Variants in KIF21A observed in about 807,000 individuals in gnomAD.
KIF21A encodes kinesin-like protein KIF21A.
KIF21A carries 114 observed loss-of-function variants against 202.9 expected under a neutral mutation model. The ratio of observed to expected loss-of-function variants is 0.56; its 90% CI spans 0.48 to 0.66. KIF21A has a LOEUF of 0.66. Among genes scored for constraint, KIF21A ranks in the 30% least tolerant of loss-of-function variants. KIF21A has a pLI of 0.00. For synonymous variants in KIF21A, 667 were observed against 670.8 expected, an observed-to-expected ratio of 0.99 and a Z score of 0.09; for missense variants, 1,677 against 1,994.9, an observed-to-expected ratio of 0.84 and a Z score of 3.04.
chr12:39,428,157 G>T lies in KIF21A; in HGVS notation c.44+14770C>A, dbSNP rs569480479. 2.6e-5 allele frequency among the ~76,000 whole-genome samples: 4 copies of T among 152,316 alleles called. No homozygotes were observed. In the East Asian group the frequency reaches 5.8e-4, roughly 22 times the overall value. ...GGATGATTCTTCCTTGTCAAAGACAGCAAATAGGGCTTTCTTAGTCATCCT... is the reference window on the plus strand; with the variant it reads ...GGATGATTCTTCCTTGTCAAAGACATCAAATAGGGCTTTCTTAGTCATCCT... On this transcript the variant is annotated intron_variant, in intron 1 of 37. Transcript: ENST00000361418.
In KIF21A at chr12:39,332,877, A is replaced by G; in HGVS notation, c.2702+16T>C. 2 of 1,612,748 alleles carry G rather than the reference A, an allele frequency of 1.2e-6. No individual in the cohort carries two copies. The highest frequency in any genetic ancestry group is 1.7e-6 in the Non-Finnish European group (2 of 1,179,336). ...GGCCAAGAAGATTACATCAGCAGGA[A>G]CAGAATTATGTAGACCTGTTTCCAT... On this transcript the variant is annotated intron_variant, in intron 19 of 37. Coordinates refer to ENST00000361418, the MANE Select transcript of KIF21A (RefSeq NM_001173464.2).
At position 39,436,445 on chromosome 12, in the gene KIF21A, TA is replaced by T. The variant is rs1281294339; in HGVS notation, c.44+6481del. On this transcript the variant is annotated intron_variant, in intron 1 of 37. Transcript: ENST00000361418. ...TATTATATATATATATATATATATATATATTTTTTTTTTTTTTAGACAGGGT... is the reference window on the plus strand; with the variant it reads ...TATTATATATATATATATATATATATTATTTTTTTTTTTTTTAGACAGGGT... Among the ~76,000 whole-genome samples the T allele has an allele frequency of 9.1e-4, 106 of 116,494 alleles. 5 individuals are homozygous for T. The highest frequency in any genetic ancestry group is 4.2e-3 in the African/African-American group (95 of 22,768). The allele number at this position is 116,494 out of a possible 152,430, so 76.4% of individuals were successfully genotyped here. A position where few individuals can be genotyped will look rare whatever the true frequency, so the allele number is the denominator to read the frequency against.
intron 31 of KIF21A, chr12:39,311,812 T>C (rs1944060013): frequency 2.4e-6 from 1 of 418,348 alleles, no homozygotes; most frequent in South Asian, 2.7e-5. Flanking sequence ...ATTTTCTTAT[T>C]AATAATTTCA....
chr12:39,379,582 G>A (rs553749066), intron 1 of KIF21A, among the ~76,000 whole-genome samples: 4 of 152,252 alleles, frequency 2.6e-5, no homozygotes, highest in Non-Finnish European at 4.4e-5. Flanking sequence ...GTCCATGGGC[G>A]TCAAAAATGG....
At chr12:39,319,799 C>A in intron 28 of KIF21A, 107 bp downstream of exon 28, 2 of 787,764 alleles carry the variant, frequency 2.5e-6, no homozygotes, top group Non-Finnish European at 4.3e-6. Context: ...ATAGTCATAA[C>A]CACAGCACCA....
intron 1 of KIF21A, among the ~76,000 whole-genome samples, chr12:39,415,415 TATTTTTA>T (rs898069136): frequency 2.0e-5 from 3 of 151,936 alleles, no homozygotes; most frequent in African/African-American, 7.3e-5. Context: ...AATTTTTTTG[TATTTTTA>T]ATAGAGACGG....
intron 32 of KIF21A, 148 bp from the exon 33 acceptor site, chr12:39,309,914 C>T (rs900410761): frequency 5.6e-6 from 4 of 712,960 alleles, no homozygotes; most frequent in African/African-American, 5.4e-5. Flanking sequence ...TAACTTCATC[C>T]TTGACCCTCT....
At chr12:39,371,127 A>G (rs1949925603) in intron 1 of KIF21A, among the ~76,000 whole-genome samples, 1 of 152,208 alleles carries the variant, frequency 6.6e-6, no homozygotes, top group Non-Finnish European at 1.5e-5. Context: ...AAGTCTGTAC[A>G]TATCCAGTAC....
intron 1 of KIF21A, among the ~76,000 whole-genome samples, chr12:39,405,453 T>C (rs1387038633): frequency 1.3e-5 from 2 of 152,104 alleles, no homozygotes; most frequent in East Asian, 3.9e-4. Flanking sequence ...TTTTCAAAAA[T>C]GTATCTTTGC....
chr12:39,378,655 A>G (rs538090214), intron 1 of KIF21A, among the ~76,000 whole-genome samples: 21 of 152,296 alleles, frequency 1.4e-4, no homozygotes, highest in African/African-American at 5.1e-4. Flanking sequence ...AGAAAATTTC[A>G]TTTGGTCAAC....
intron 37 of KIF21A, among the ~76,000 whole-genome samples, chr12:39,297,086 G>C (rs534014941): frequency 6.6e-6 from 1 of 152,194 alleles, no homozygotes; most frequent in African/African-American, 2.4e-5. Flanking sequence ...AGGACTTGAT[G>C]ATGGATTAGA....
At chr12:39,423,341 C>A (rs1954462735) in intron 1 of KIF21A, among the ~76,000 whole-genome samples, 1 of 151,962 alleles carries the variant, frequency 6.6e-6, no homozygotes, top group African/African-American at 2.4e-5. Context: ...CTTTGAAGCA[C>A]ATGTAAGGAT....
chr12:39,317,634 C>T (rs758032578), intron 29 of KIF21A, among the ~76,000 whole-genome samples: 5 of 152,106 alleles, frequency 3.3e-5, no homozygotes, highest in African/African-American at 1.2e-4. Context: ...ATGACAAAAA[C>T]GTGTTGCACT....
chr12:39,349,585 T>C (rs1007389176), intron 11 of KIF21A, among the ~76,000 whole-genome samples: 2 of 152,094 alleles, frequency 1.3e-5, no homozygotes, highest in Non-Finnish European at 2.9e-5. Flanking sequence ...TGTATGCTGG[T>C]TCTTTACTAA....
intron 37 of KIF21A, among the ~76,000 whole-genome samples, chr12:39,295,272 C>T (rs1213698052): frequency 2.0e-5 from 3 of 152,044 alleles, no homozygotes; most frequent in South Asian, 2.1e-4. Flanking sequence ...TTCTGTTGCC[C>T]TCGCAGGTGA....
chr12:39,317,122 C>T (rs1944637787), intron 29 of KIF21A, among the ~76,000 whole-genome samples: 1 of 152,050 alleles, frequency 6.6e-6, no homozygotes, highest in African/African-American at 2.4e-5. Flanking sequence ...ATGTAAAGAA[C>T]ATATCTTCTA....
chr12:39,426,600 C>T (rs1363589845), intron 1 of KIF21A, among the ~76,000 whole-genome samples: 2 of 151,784 alleles, frequency 1.3e-5, no homozygotes, highest in Admixed American at 6.6e-5. Context: ...AGGCCGGGCA[C>T]GGTGGCTCAC....
chr12:39,313,726 A>G (rs1944248858), intron 31 of KIF21A, among the ~76,000 whole-genome samples: 1 of 151,942 alleles, frequency 6.6e-6, no homozygotes, highest in South Asian at 2.1e-4. Flanking sequence ...TTTATTTTAT[A>G]TGCCGACTCA....
At chr12:39,315,430 T>C (rs866914499) in intron 30 of KIF21A, among the ~76,000 whole-genome samples, 190 bp from the exon 31 acceptor site, 24 of 152,120 alleles carry the variant, frequency 1.6e-4, no homozygotes, top group Middle Eastern at 3.4e-3. Context: ...CTTAAGAATA[T>C]TTATTTTAAA....
Sources: allele counts gnomAD v4.1 joint callset (sites outside exome capture counted in the v4.1 genomes callset), GRCh38; gene constraint gnomAD v4.1.1; transcripts MANE v1.5; gene names NCBI Gene and HGNC (gene_info 2026-07-23, HGNC 2026-07-21).